Variants in PTPRT observed in about 807,000 individuals in gnomAD.
PTPRT encodes the protein protein tyrosine phosphatase receptor type T.
In PTPRT, 56 loss-of-function variants were observed where a neutral mutation model predicts 176.8. That is an observed-to-expected ratio of 0.32 (90% CI 0.26 to 0.40). PTPRT has a LOEUF of 0.40. Among genes scored for constraint, PTPRT ranks in the 10% least tolerant of loss-of-function variants. PTPRT has a pLI of 1.00. For synonymous variants in PTPRT, 783 were observed against 739.0 expected (o/e 1.06, Z -0.96); for missense variants, 1,540 against 1,908.2 (o/e 0.81, Z 3.60).
chr20:42,501,112 G>A (rs6102867), intron 7 of PTPRT, among the ~76,000 whole-genome samples: 2,971 of 152,060 alleles, frequency 0.02, 99 homozygotes, highest in African/African-American at 0.068. Context: ...GCCTTTCCCC[G>A]TCACTAACCC....
intron 17 of PTPRT, among the ~76,000 whole-genome samples, chr20:42,152,282 T>G (rs994337283): frequency 1.3e-5 from 2 of 152,006 alleles, no homozygotes; most frequent in Non-Finnish European, 2.9e-5. Flanking sequence ...GCACAAGACT[T>G]AGGGATTATA....
At chr20:42,903,292 A>C (rs1378976496) in intron 1 of PTPRT, among the ~76,000 whole-genome samples, 1 of 152,224 alleles carries the variant, frequency 6.6e-6, no homozygotes, top group Non-Finnish European at 1.5e-5. Context: ...TCCAATCCAT[A>C]TTCCCTACAG....
Position 42,646,882 on chromosome 20 carries a change from C to CTTTTTTTTTTT in PTPRT, c.1153+30973_1153+30983dup, listed in dbSNP as rs1161994908. On this transcript the variant is annotated intron_variant, in intron 7 of 30. Coordinates refer to ENST00000373187, the MANE Select transcript of PTPRT (RefSeq NM_007050.6). ...TCTAGAGATCCCAACCTAAGACAGC[C>CTTTTTTTTTTT]TTTTTTTTTTTTTTTTTTTTTTTTT... Among the ~76,000 whole-genome samples, 93 of 76,280 alleles carry CTTTTTTTTTTT rather than the reference C, an allele frequency of 1.2e-3. 14 individuals carry two copies. The highest frequency in any genetic ancestry group is 6.4e-3 in the African/African-American group (85 of 13,364). 50.0% of individuals were successfully genotyped at this position (76,280 alleles called of 152,430 possible).
chr20:42,938,071 T>G (rs1980306814), intron 1 of PTPRT, among the ~76,000 whole-genome samples: 1 of 152,226 alleles, frequency 6.6e-6, no homozygotes, highest in African/African-American at 2.4e-5. Flanking sequence ...AATGGATTTC[T>G]ATCATTAATT....
intron 16 of PTPRT, among the ~76,000 whole-genome samples, chr20:42,182,009 A>G (rs1185966560): frequency 1.3e-5 from 2 of 152,206 alleles, no homozygotes; most frequent in Non-Finnish European, 2.9e-5. Flanking sequence ...ACAGTGAAAT[A>G]TAGAGTGGAA....
At chr20:42,046,090 G>A in the PTPRT span, among the ~76,000 whole-genome samples, 6 of 152,302 alleles carry the variant, frequency 3.9e-5, no homozygotes, top group African/African-American at 9.6e-5. Flanking sequence ...CATGTCCTCC[G>A]CCTCTGCGTT....
chr20:42,152,315 G>A (rs1989171568), intron 17 of PTPRT, among the ~76,000 whole-genome samples: 1 of 152,238 alleles, frequency 6.6e-6, no homozygotes, highest in Admixed American at 6.5e-5. Flanking sequence ...GAAGGCAGGA[G>A]AGGATGACTA....
intron 27 of PTPRT, among the ~76,000 whole-genome samples, chr20:42,091,864 T>A (rs1308639350): frequency 6.6e-6 from 1 of 152,070 alleles, no homozygotes; most frequent in Non-Finnish European, 1.5e-5. Flanking sequence ...AGTAGTCCCA[T>A]GAAGCTCCAT....
chr20:42,571,570 C>T (rs551262921), intron 7 of PTPRT, among the ~76,000 whole-genome samples: 5 of 152,288 alleles, frequency 3.3e-5, no homozygotes, highest in African/African-American at 1.2e-4. Context: ...AAAACTAATC[C>T]AAGTGCCCTT....
intron 13 of PTPRT, among the ~76,000 whole-genome samples, chr20:42,257,055 A>G (rs902852518): frequency 1.3e-5 from 2 of 152,224 alleles, no homozygotes; most frequent in Non-Finnish European, 2.9e-5. Flanking sequence ...CTACATGCCC[A>G]GGAGCATAGG....
chr20:42,982,892 A>G (rs1272221647), intron 1 of PTPRT, among the ~76,000 whole-genome samples: 2 of 152,178 alleles, frequency 1.3e-5, no homozygotes, highest in African/African-American at 4.8e-5. Flanking sequence ...TTTCTGCCCA[A>G]CTTCTTATAA....
At chr20:42,297,790 A>G (rs1038844287) in intron 12 of PTPRT, among the ~76,000 whole-genome samples, 2 of 152,218 alleles carry the variant, frequency 1.3e-5, no homozygotes, top group South Asian at 4.1e-4. Context: ...TTTTAAATAC[A>G]TGTTGCTAAG....
At chr20:42,070,938 G>A (rs192713732), downstream of PTPRT, among the ~76,000 whole-genome samples, 125 of 152,020 alleles carry the variant, frequency 8.2e-4, 1 homozygote, top group Admixed American at 3.2e-3. Flanking sequence ...CTCCAGTGTC[G>A]TATTACATTT....
intron 5 of PTPRT, among the ~76,000 whole-genome samples, chr20:42,759,978 G>A (rs1400178155): frequency 4.6e-5 from 7 of 152,204 alleles, no homozygotes; most frequent in Admixed American, 4.6e-4. Context: ...AAGGGGCTAA[G>A]AAAGGATGAG....
At chr20:42,100,158 C>G (rs1985787949) in intron 26 of PTPRT, among the ~76,000 whole-genome samples, 1 of 152,222 alleles carries the variant, frequency 6.6e-6, no homozygotes, top group South Asian at 2.1e-4. Flanking sequence ...GTGCCCAACA[C>G]TCAGTGAATG....
At chr20:42,874,487 A>G (rs1247248867) in intron 2 of PTPRT, among the ~76,000 whole-genome samples, 4 of 152,246 alleles carry the variant, frequency 2.6e-5, no homozygotes, top group Non-Finnish European at 4.4e-5. Context: ...TTTTAAGTGT[A>G]CAGATGATTG....
intron 6 of PTPRT, among the ~76,000 whole-genome samples, chr20:42,699,149 C>T (rs904706533): frequency 2.0e-5 from 3 of 152,144 alleles, no homozygotes; most frequent in East Asian, 1.9e-4. Flanking sequence ...TATACTCCCA[C>T]GGAATCCTTA....
intron 2 of PTPRT, among the ~76,000 whole-genome samples, chr20:42,830,515 G>A (rs1386939350): frequency 6.6e-6 from 1 of 152,160 alleles, no homozygotes; most frequent in African/African-American, 2.4e-5. Context: ...AAAGCTGGAA[G>A]CATTCCCATT....
chr20:42,955,061 T>C (rs894485991), intron 1 of PTPRT, among the ~76,000 whole-genome samples: 1 of 151,284 alleles, frequency 6.6e-6, no homozygotes, highest in African/African-American at 2.4e-5. Flanking sequence ...ACAACATGAG[T>C]TTAAGAAACG....
Sources: gnomAD v4.1 joint callset for allele counts (sites outside exome capture counted in the v4.1 genomes callset) on GRCh38, gnomAD v4.1.1 for gene constraint, MANE v1.5 for transcripts, NCBI Gene and HGNC (gene_info 2026-07-23, HGNC 2026-07-21) for gene names.